EP400: variants seen among roughly 807,000 people sequenced by gnomAD.
EP400 encodes the protein E1A binding protein p400.
In EP400, 105 loss-of-function variants were observed where a neutral mutation model predicts 354.1. The observed-to-expected ratio is 0.30, with a 90% CI of 0.25 to 0.35. The LOEUF (loss-of-function observed/expected upper bound fraction) is 0.35. Ranked by LOEUF, EP400 falls within the 10% of genes least tolerant of loss-of-function variation. The pLI, the probability that EP400 is intolerant of heterozygous loss-of-function variation, is 1.00. For synonymous variants in EP400, 1,646 were observed against 1,716.9 expected (o/e 0.96, Z 1.02); for missense variants, 3,280 against 4,121.0 (o/e 0.80, Z 5.59).
intron 7 of EP400, among the ~76,000 whole-genome samples, chr12:131,989,127 TG>T (rs1892952183): frequency 1.3e-5 from 2 of 152,036 alleles, no homozygotes; most frequent in Admixed American, 1.3e-4. Flanking sequence ...GCTGGATGGG[TG>T]GGGGCTGGCC....
chr12:132,050,277 G>T lies in EP400; in HGVS notation c.7201-46G>T, dbSNP rs777400981. Reference sequence around the variant, plus strand: ...AGCCCTGTGTCCCACGCAGCCGTCTGTCCATGCTGCCTAATTCAGATGCAC... The same window carrying T: ...AGCCCTGTGTCCCACGCAGCCGTCTTTCCATGCTGCCTAATTCAGATGCAC... On this transcript the variant is annotated intron_variant, in intron 39 of 52. Coordinates refer to ENST00000389561, the MANE Select transcript of EP400 (RefSeq NM_015409.5). The surrounding 1 kb of genome is among the most constrained non-coding windows in gnomAD (Gnocchi z 4.8). The T allele has an allele frequency of 6.2e-7, 1 of 1,609,710 alleles. No individual in the cohort carries two copies. The highest frequency in any genetic ancestry group is 1.3e-5 in the African/African-American group (1 of 75,004).
At chr12:131,968,410 C>A (rs915727500) in intron 2 of EP400, among the ~76,000 whole-genome samples, 16 of 152,130 alleles carry the variant, frequency 1.1e-4, no homozygotes, top group African/African-American at 3.6e-4. Flanking sequence ...TTTCTGGATT[C>A]TCTTCTCTTC....
chr12:131,988,026 G>A, intron 7 of EP400, 136 bp downstream of exon 7: 1 of 764,838 alleles, frequency 1.3e-6, no homozygotes. Context: ...ACAGGGTCTT[G>A]CTCTGTTGTC....
intron 1 of EP400, among the ~76,000 whole-genome samples, chr12:131,954,648 C>G (rs1397225536): frequency 6.7e-6 from 1 of 149,952 alleles, no homozygotes; most frequent in African/African-American, 2.5e-5. Context: ...TCGCTTGAAC[C>G]CGGGAGGCGG....
intron 2 of EP400, among the ~76,000 whole-genome samples, chr12:131,965,208 G>A (rs1304219504): frequency 6.6e-6 from 1 of 152,172 alleles, no homozygotes; most frequent in African/African-American, 2.4e-5. Flanking sequence ...TGACCACTTC[G>A]TTAAGGTGGT....
chr12:131,989,348 G>A (rs1892957733), intron 7 of EP400, among the ~76,000 whole-genome samples: 1 of 152,228 alleles, frequency 6.6e-6, no homozygotes, highest in Admixed American at 6.5e-5. Flanking sequence ...AGTGAGCCCC[G>A]TTGGAGGCCG....
At position 132,025,131 on chromosome 12, in the gene EP400, C is replaced by G. The variant is rs1169647538; in HGVS notation, c.4856-515C>G. 6.6e-6 allele frequency among the ~76,000 whole-genome samples: 1 copy of G among 152,070 alleles called. No individual in the cohort carries two copies. The highest frequency in any genetic ancestry group is 1.9e-4 in the East Asian group (1 of 5,190). ...GAGGCTGGGTCGCTTGGTAACATCT[C>G]TGATGGCCGCCGGTTTATTCATAGA... On this transcript the variant is annotated intron_variant, in intron 24 of 52. Coordinates refer to ENST00000389561, the MANE Select transcript of EP400 (RefSeq NM_015409.5). This position sits in a 1 kb window ranked among gnomAD's most constrained non-coding sequence, Gnocchi z 4.1.
In EP400 at chr12:132,026,100, C is replaced by T. The variant is rs149338316; in HGVS notation, c.5014+296C>T. ...TGAGAAATCTTGCTTGTTTGTATAT[C>T]GCCAGTGTGCTCCGTTTCCCCTGGG... On this transcript the variant is annotated intron_variant, in intron 25 of 52. Coordinates refer to ENST00000389561, the MANE Select transcript of EP400 (RefSeq NM_015409.5). Among the ~76,000 whole-genome samples the T allele has an allele frequency of 9.9e-3, 1,514 of 152,264 alleles. 94 individuals carry two copies. The highest frequency in any genetic ancestry group is 2.1e-3 in the Non-Finnish European group (142 of 68,028).
At chr12:132,065,406 G>A (rs564823907) in intron 48 of EP400, 18 of 161,854 alleles carry the variant, frequency 1.1e-4, no homozygotes, top group Admixed American at 2.3e-4. Flanking sequence ...CAGCGTCACT[G>A]CACCGTGACT....
chr12:131,974,583 G>T (rs561252197), intron 2 of EP400, among the ~76,000 whole-genome samples: 1 of 152,250 alleles, frequency 6.6e-6, no homozygotes, highest in African/African-American at 2.4e-5. Context: ...GATAAGCTCT[G>T]TTTTGGTATT....
rs1039896219 is a variant in EP400, at chr12:132,067,288, G to T, written c.8750-74G>T. ...TGTTATTTTCTGTAGAGGTGAGTCA[G>T]TTGGAACAGAGCTTGGCGTGAGCCT... On this transcript the variant is annotated intron_variant, in intron 49 of 52. Coordinates refer to ENST00000389561, the MANE Select transcript of EP400 (RefSeq NM_015409.5). The surrounding 1 kb of genome is among the most constrained non-coding windows in gnomAD (Gnocchi z 5.3). 1.3e-6 allele frequency: 2 copies of T among 1,562,838 alleles called. No individual in the cohort carries two copies. The highest frequency in any genetic ancestry group is 2.7e-5 in the African/African-American group (2 of 73,408).
chr12:132,077,864 C>T lies in EP400; in HGVS notation c.*191C>T, dbSNP rs917317537. The T allele has an allele frequency of 4.7e-5, 36 of 774,016 alleles. No homozygotes were observed. Among genetic ancestry groups the T allele is most frequent in the Admixed American group, 1.5e-4 (5 of 32,698 alleles). 47.9% of individuals were successfully genotyped at this position (774,016 alleles called of 1,614,324 possible). ...AGGACAAATGGTCCTTATGGAGTGC[C>T]GCGTTCTCTGTACTACGTGGCTCAT... is the stretch of plus-strand genomic sequence containing the variant. On this transcript the variant is annotated 3_prime_UTR_variant, in exon 53 of 53. Transcript: ENST00000389561.
intron 48 of EP400, chr12:132,066,504 G>A (rs933488638): frequency 4.6e-6 from 2 of 431,414 alleles, no homozygotes; most frequent in African/African-American, 2.1e-5. Flanking sequence ...AAGTGAAGGT[G>A]ATGTCCCGTG....
chr12:132,064,137 C>T (rs944833548), intron 47 of EP400, among the ~76,000 whole-genome samples: 2 of 151,968 alleles, frequency 1.3e-5, no homozygotes, highest in Non-Finnish European at 2.9e-5. Context: ...CCGGTTCAAC[C>T]ACTGAGACAC....
In EP400 at chr12:131,990,872, A is replaced by G. The variant is rs992120572; in HGVS notation, c.2629+158A>G. 2.6e-5 allele frequency among the ~76,000 whole-genome samples: 4 copies of G among 152,064 alleles called. No homozygotes were observed. The highest frequency in any genetic ancestry group is 5.9e-5 in the Non-Finnish European group (4 of 68,022). On this transcript the variant is annotated intron_variant, in intron 9 of 52. Transcript: ENST00000389561. This position sits in a 1 kb window ranked among gnomAD's most constrained non-coding sequence, Gnocchi z 4.2. ...ACATTTCTCTTTGTGTGGCCATCCT[A>G]GTTTTATGCTTCAGTGCTTTTGAGA... is the stretch of plus-strand genomic sequence containing the variant.
At position 132,050,989 on chromosome 12, in the gene EP400, T is replaced by C. The variant is rs140115315; in HGVS notation, c.7394+334T>C. 4 of 440,286 alleles carry C rather than the reference T, an allele frequency of 9.1e-6. No individual in the cohort carries two copies. Among genetic ancestry groups the C allele is most frequent in the African/African-American group, 5.9e-5 (3 of 50,714 alleles). 27.3% of individuals were successfully genotyped at this position (440,286 alleles called of 1,614,324 possible). ...ACACCCCACCTCTCAGGCACTGATT[T>C]TGTTCGCCATATCTTAAGAACACAC... On this transcript the variant is annotated intron_variant, in intron 41 of 52. Transcript: ENST00000389561. This position sits in a 1 kb window ranked among gnomAD's most constrained non-coding sequence, Gnocchi z 4.8.
intron 39 of EP400, 70 bp downstream of exon 39, chr12:132,045,970 G>A (rs1895082815): frequency 1.2e-5 from 19 of 1,556,306 alleles, no homozygotes; most frequent in Non-Finnish European, 1.7e-5. Context: ...TGCAGTTTCA[G>A]CTCCAGTCCT....
At chr12:131,980,843 C>T (rs905625064) in intron 3 of EP400, among the ~76,000 whole-genome samples, 27 of 152,148 alleles carry the variant, frequency 1.8e-4, no homozygotes, top group African/African-American at 5.1e-4. Flanking sequence ...TGAGCCACCG[C>T]GCCCAACTGT....
rs1043932717 is a variant in EP400 at position 132,038,356 on chromosome 12, A to G, written c.6207+260A>G. 6.6e-6 allele frequency among the ~76,000 whole-genome samples: 1 copy of G among 152,182 alleles called. No individual in the cohort carries two copies. The highest frequency in any genetic ancestry group is 1.5e-5 in the Non-Finnish European group (1 of 68,026). On this transcript the variant is annotated intron_variant, in intron 32 of 52. Transcript: ENST00000389561. The surrounding 1 kb of genome is among the most constrained non-coding windows in gnomAD (Gnocchi z 4.2). ...AGCAGTCGCTGCCGTCTTCATCTGC[A>G]CTTTGCCACAGTCTCAGCTCCTTCC...
Sources: allele counts gnomAD v4.1 joint callset (sites outside exome capture counted in the v4.1 genomes callset), GRCh38; gene constraint gnomAD v4.1.1; non-coding constraint Gnocchi (gnomAD v3.1); transcripts MANE v1.5; gene names NCBI Gene and HGNC (gene_info 2026-07-23, HGNC 2026-07-21).